Variants in SLC4A10 observed in about 807,000 individuals in gnomAD.
SLC4A10 encodes sodium-driven chloride bicarbonate exchanger.
Under a neutral mutation model 137.7 loss-of-function variants are expected in SLC4A10, and 42 were observed. That is an observed-to-expected ratio of 0.30 (90% CI 0.24 to 0.39). SLC4A10 has a LOEUF of 0.39. Ranked by LOEUF, SLC4A10 falls within the 10% of genes least tolerant of loss-of-function variation. SLC4A10 has a pLI of 1.00. For missense variants in SLC4A10, 925 were observed against 1,355.0 expected (o/e 0.68, Z 4.98); for synonymous variants, 474 against 464.1 (o/e 1.02, Z -0.27).
At chr2:161,832,679 G>T (rs2058504557) in intron 3 of SLC4A10, among the ~76,000 whole-genome samples, 1 of 152,064 alleles carries the variant, frequency 6.6e-6, no homozygotes, top group Admixed American at 6.6e-5. Flanking sequence ...ATTCATTTGG[G>T]CTGTGGGGTG....
In SLC4A10 at chr2:161,797,636, A is replaced by AT. The variant is rs57794862; in HGVS notation, c.131-6805dup. Among the ~76,000 whole-genome samples the AT allele has an allele frequency of 7.2e-3, 1,084 of 151,566 alleles. 19 individuals carry two copies. Among genetic ancestry groups the AT allele is most frequent in the African/African-American group, 0.025 (1,037 of 41,370 alleles). The stretch of plus-strand genomic sequence containing the variant: ...TACCAAAATTGGGAGTTCTCAAGTC[A>AT]TTTTTTTTATAAGAAAACACATATT... On this transcript the variant is annotated intron_variant, in intron 2 of 26. Transcript: ENST00000446997.
intron 3 of SLC4A10, among the ~76,000 whole-genome samples, chr2:161,815,890 C>T (rs1029538875): frequency 1.9e-4 from 29 of 152,170 alleles, no homozygotes; most frequent in African/African-American, 6.3e-4. Context: ...CTACCTTTTT[C>T]CTTCTTCAAT....
intron 1 of SLC4A10, among the ~76,000 whole-genome samples, chr2:161,712,668 T>C (rs1053573017): frequency 2.0e-5 from 3 of 151,872 alleles, no homozygotes; most frequent in Non-Finnish European, 4.4e-5. Context: ...GATTATTTAA[T>C]GTAAAAACAT....
chr2:161,652,736 T>C (rs1308526084), intron 1 of SLC4A10, among the ~76,000 whole-genome samples: 4 of 151,678 alleles, frequency 2.6e-5, no homozygotes, highest in Non-Finnish European at 2.9e-5. Context: ...TGACCATTGA[T>C]CAGCAACTTT....
At chr2:161,943,435 G>A (rs76041806) in intron 16 of SLC4A10, among the ~76,000 whole-genome samples, 131 of 151,996 alleles carry the variant, frequency 8.6e-4, no homozygotes, top group African/African-American at 3.1e-3. Flanking sequence ...AAAGAGCATG[G>A]CAACATATTT....
At chr2:161,758,447 C>T (rs1250733692) in intron 1 of SLC4A10, among the ~76,000 whole-genome samples, 7 of 151,804 alleles carry the variant, frequency 4.6e-5, no homozygotes, top group African/African-American at 1.2e-4. Context: ...AATCCATAAG[C>T]GTTTCAAATA....
At chr2:161,768,105 A>C (rs2051127078) in intron 1 of SLC4A10, among the ~76,000 whole-genome samples, 1 of 152,030 alleles carries the variant, frequency 6.6e-6, no homozygotes, top group Admixed American at 6.6e-5. Flanking sequence ...CAAAGGTCTA[A>C]CTGACTTGAA....
chr2:161,979,044 TACG>T (rs1192008129), intron 26 of SLC4A10, among the ~76,000 whole-genome samples: 3 of 152,172 alleles, frequency 2.0e-5, no homozygotes, highest in African/African-American at 7.2e-5. Flanking sequence ...ACATGAAAAA[TACG>T]ACATTTCTCT....
chr2:161,905,838 G>A lies in SLC4A10; in HGVS notation c.1948G>A (p.Ala650Thr), dbSNP rs891892148. Residue 650 changes from alanine (A) to threonine (T), a missense_variant, in exon 15 of 27, where the codon GCA becomes ACA. Coordinates refer to ENST00000446997, the MANE Select transcript of SLC4A10 (RefSeq NM_001178015.2). Reference sequence around the variant, plus strand: ...GGAGAAGTTGTTTGAACTCAGTGAAGCATATCCAATCAACATGCATAATGA... The same window carrying A: ...GGAGAAGTTGTTTGAACTCAGTGAAACATATCCAATCAACATGCATAATGA... ...ALEKLFELSE[A>T]YPINMHNDLE... 6.2e-7 allele frequency: 1 copy of A among 1,613,910 alleles called. No homozygotes were observed. Among genetic ancestry groups the A allele is most frequent in the Non-Finnish European group, 8.5e-7 (1 of 1,179,828 alleles).
intron 1 of SLC4A10, among the ~76,000 whole-genome samples, chr2:161,752,757 T>G (rs985859640): frequency 6.6e-6 from 1 of 152,126 alleles, no homozygotes. Flanking sequence ...ATGCGGAATC[T>G]AAAAAGTTGA....
At chr2:161,666,000 G>T (rs1346255212) in intron 1 of SLC4A10, among the ~76,000 whole-genome samples, 1 of 149,376 alleles carries the variant, frequency 6.7e-6, no homozygotes. Context: ...TCATTTAATA[G>T]GAAATTATTT....
At chr2:161,949,313 T>A in intron 18 of SLC4A10, 52 bp downstream of exon 18, 3 of 1,169,530 alleles carry the variant, frequency 2.6e-6, no homozygotes, top group Non-Finnish European at 3.8e-6. Flanking sequence ...AATCTTCATT[T>A]AGATGATACC....
intron 1 of SLC4A10, among the ~76,000 whole-genome samples, chr2:161,722,396 T>C (rs1041725827): frequency 6.6e-6 from 1 of 152,220 alleles, no homozygotes; most frequent in African/African-American, 2.4e-5. Context: ...GTTGCTGTTT[T>C]GTTGTTTTCT....
At chr2:161,901,059 C>T in intron 12 of SLC4A10, 48 bp downstream of exon 12, 1 of 1,334,910 alleles carries the variant, frequency 7.5e-7, no homozygotes, top group South Asian at 1.3e-5. Context: ...AATGACATAC[C>T]ATTCTTCTCT....
At chr2:161,657,833 A>G (rs1170720395) in intron 1 of SLC4A10, among the ~76,000 whole-genome samples, 1 of 152,182 alleles carries the variant, frequency 6.6e-6, no homozygotes, top group Admixed American at 6.5e-5. Context: ...AGTAGAAAAT[A>G]TGGATGAATG....
At chr2:161,761,993 T>G (rs997147445) in intron 1 of SLC4A10, among the ~76,000 whole-genome samples, 5 of 152,150 alleles carry the variant, frequency 3.3e-5, no homozygotes, top group Admixed American at 3.3e-4. Context: ...AGTTCTATTT[T>G]TTCTTGTATG....
intron 8 of SLC4A10, 45 bp from the exon 9 acceptor site, chr2:161,879,086 T>C (rs777001705): frequency 1.3e-6 from 2 of 1,592,040 alleles, no homozygotes; most frequent in Non-Finnish European, 1.7e-6. Context: ...ATTTACCAGA[T>C]TTTTCCAATT....
intron 1 of SLC4A10, among the ~76,000 whole-genome samples, chr2:161,666,374 A>AT (rs770483777): frequency 6.6e-6 from 1 of 151,266 alleles, no homozygotes; most frequent in Non-Finnish European, 1.5e-5. Context: ...AACACATGTG[A>AT]TTTTTTCTTT....
At chr2:161,747,825 T>C (rs1156514572) in intron 1 of SLC4A10, among the ~76,000 whole-genome samples, 4 of 152,334 alleles carry the variant, frequency 2.6e-5, no homozygotes, top group Admixed American at 6.5e-5. Context: ...GAGGGATTGA[T>C]GGATCATATG....
Sources: gnomAD v4.1 joint callset for allele counts (sites outside exome capture counted in the v4.1 genomes callset) on GRCh38, gnomAD v4.1.1 for gene constraint, MANE v1.5 for transcripts, NCBI Gene and HGNC (gene_info 2026-07-23, HGNC 2026-07-21) for gene names.